The following CLVS1 variants were observed in gnomAD, a reference collection of about 807,000 sequenced individuals.
The protein encoded by CLVS1 is clavesin-1.
In CLVS1, 10 loss-of-function variants were observed where a neutral mutation model predicts 33.1. That is an observed-to-expected ratio of 0.30 (90% CI 0.19 to 0.51). CLVS1 has a LOEUF of 0.51. Ranked by LOEUF, CLVS1 falls within the 20% of genes least tolerant of loss-of-function variation. CLVS1 has a pLI of 0.97. For missense variants in CLVS1, 343 were observed against 433.4 expected, an observed-to-expected ratio of 0.79 and a Z score of 1.85; for synonymous variants, 163 against 166.1, an observed-to-expected ratio of 0.98 and a Z score of 0.14.
chr8:61,070,770 A>T (rs751790450), intron 1 of CLVS1, among the ~76,000 whole-genome samples: 1 of 152,148 alleles, frequency 6.6e-6, no homozygotes, highest in Non-Finnish European at 1.5e-5. Flanking sequence ...AGCCCAGGAG[A>T]TCAAGGCTAC....
chr8:61,110,078 G>A (rs554925321), intron 1 of CLVS1, among the ~76,000 whole-genome samples: 9 of 152,282 alleles, frequency 5.9e-5, no homozygotes, highest in Middle Eastern at 3.4e-3. Flanking sequence ...TGCCCTGAGC[G>A]TTGGCTGCTA....
intron 1 of CLVS1, among the ~76,000 whole-genome samples, chr8:61,111,755 A>G (rs1476383824): frequency 1.4e-5 from 2 of 146,494 alleles, no homozygotes; most frequent in Non-Finnish European, 3.0e-5. Flanking sequence ...GGCTTTCTTT[A>G]TTACCCTTCT....
chr8:61,175,586 T>C (rs916470831), intron 2 of CLVS1, among the ~76,000 whole-genome samples: 4 of 152,198 alleles, frequency 2.6e-5, no homozygotes, highest in African/African-American at 9.7e-5. Flanking sequence ...TTAAAGTGGA[T>C]GACTAGTGTC....
At chr8:61,312,400 C>T (rs1218025514) in intron 2 of CLVS1, among the ~76,000 whole-genome samples, 2 of 152,176 alleles carry the variant, frequency 1.3e-5, no homozygotes, top group African/African-American at 4.8e-5. Context: ...GAAGTTATTG[C>T]CACTATCCTG....
intron 2 of CLVS1, among the ~76,000 whole-genome samples, chr8:61,373,149 A>G (rs1186783290): frequency 1.3e-5 from 2 of 152,202 alleles, no homozygotes; most frequent in Non-Finnish European, 2.9e-5. Context: ...GGTGTTATAA[A>G]AAGCGAAGAG....
intron 5 of CLVS1, among the ~76,000 whole-genome samples, chr8:61,487,384 G>C (rs1025019518): frequency 6.6e-6 from 1 of 152,214 alleles, no homozygotes; most frequent in African/African-American, 2.4e-5. Context: ...CTGAGGCACA[G>C]AGCAGTTAAA....
intron 2 of CLVS1, among the ~76,000 whole-genome samples, chr8:61,365,087 G>T (rs1813139928): frequency 6.6e-6 from 1 of 152,120 alleles, no homozygotes. Context: ...AGTACCAAAG[G>T]ATAGATATTT....
At chr8:61,418,228 G>A (rs1212869256) in intron 3 of CLVS1, among the ~76,000 whole-genome samples, 2 of 152,012 alleles carry the variant, frequency 1.3e-5, no homozygotes, top group African/African-American at 2.4e-5. Flanking sequence ...TTAGAGTCAG[G>A]CATGTTGGTG....
intron 1 of CLVS1, among the ~76,000 whole-genome samples, chr8:61,062,475 G>A (rs1804599000): frequency 6.6e-6 from 1 of 152,170 alleles, no homozygotes. Flanking sequence ...TCAGTAGGAA[G>A]ACCACCCTAC....
chr8:61,235,960 G>T (rs1808548170), intron 2 of CLVS1, among the ~76,000 whole-genome samples: 2 of 152,202 alleles, frequency 1.3e-5, no homozygotes, highest in Admixed American at 1.3e-4. Context: ...CTACTGGGCT[G>T]TCAGGTTTCA....
chr8:61,207,008 C>T (rs1337790265), intron 2 of CLVS1, among the ~76,000 whole-genome samples: 2 of 152,150 alleles, frequency 1.3e-5, no homozygotes, highest in African/African-American at 4.8e-5. Context: ...AGGCCTGGCC[C>T]ATCTCTATCA....
intron 2 of CLVS1, among the ~76,000 whole-genome samples, chr8:61,309,653 C>T (rs1255683127): frequency 2.0e-5 from 3 of 152,176 alleles, no homozygotes; most frequent in Non-Finnish European, 4.4e-5. Context: ...TCCCCTCACG[C>T]CTTGCAGTAA....
the CLVS1 span, among the ~76,000 whole-genome samples, chr8:61,017,291 T>C: frequency 1.3e-5 from 2 of 152,274 alleles, no homozygotes; most frequent in African/African-American, 2.4e-5. Context: ...CATGTGTCTC[T>C]GATTCGGTTG....
At chr8:61,136,640 A>T (rs903926324) in intron 2 of CLVS1, among the ~76,000 whole-genome samples, 1 of 152,244 alleles carries the variant, frequency 6.6e-6, no homozygotes, top group Non-Finnish European at 1.5e-5. Context: ...TGATGAGAAC[A>T]CACATGGACA....
chr8:61,298,506 T>C (rs1249198559), intron 1 of CLVS1, among the ~76,000 whole-genome samples: 1 of 152,200 alleles, frequency 6.6e-6, no homozygotes, highest in African/African-American at 2.4e-5. Context: ...ATTGTCTCTC[T>C]TAAGAAATTA....
chr8:60,971,019 T>A, the CLVS1 span, among the ~76,000 whole-genome samples: 1 of 151,336 alleles, frequency 6.6e-6, no homozygotes, highest in Non-Finnish European at 1.5e-5. Flanking sequence ...TATTATATTT[T>A]AAATGTCTAA....
chr8:61,256,553 A>AATATTATTT, intron 2 of CLVS1, among the ~76,000 whole-genome samples: 1 of 152,286 alleles, frequency 6.6e-6, no homozygotes, highest in East Asian at 1.9e-4. Context: ...AAGAAAACAA[A>AATATTATTT]ATATTATTTT....
chr8:61,435,428 C>G (rs928113269), intron 3 of CLVS1, among the ~76,000 whole-genome samples: 11 of 152,086 alleles, frequency 7.2e-5, no homozygotes, highest in Admixed American at 3.9e-4. Context: ...GGGCCATAGT[C>G]AGTATGATTT....
At chr8:61,420,043 C>A (rs556498856) in intron 3 of CLVS1, among the ~76,000 whole-genome samples, 1 of 152,310 alleles carries the variant, frequency 6.6e-6, no homozygotes, top group South Asian at 2.1e-4. Context: ...TATCTAATAT[C>A]TTTCAATAAC....
Sources: gnomAD v4.1 joint callset for allele counts (sites outside exome capture counted in the v4.1 genomes callset) on GRCh38, gnomAD v4.1.1 for gene constraint, MANE v1.5 for transcripts, NCBI Gene and HGNC (gene_info 2026-07-23, HGNC 2026-07-21) for gene names.